The following DTNA variants were observed in gnomAD, a reference collection of about 807,000 sequenced individuals.
DTNA encodes the protein dystrobrevin alpha, also known as dystrophin-related protein 3.
Under a neutral mutation model 100.7 loss-of-function variants are expected in DTNA, and 43 were observed. The observed-to-expected ratio is 0.43, with a 90% CI of 0.33 to 0.55. The LOEUF is 0.55. Ranked by LOEUF, DTNA falls within the 20% of genes least tolerant of loss-of-function variation. The probability of loss-of-function intolerance (pLI) is 0.04; values close to 1 mark genes in which losing one functional copy is unlikely to be tolerated. For synonymous variants in DTNA, 349 were observed against 347.9 expected (o/e 1.00, Z -0.04); for missense variants, 798 against 953.9 (o/e 0.84, Z 2.15).
At chr18:34,672,828 C>T (rs1019017338) in intron 1 of DTNA, among the ~76,000 whole-genome samples, 2 of 151,972 alleles carry the variant, frequency 1.3e-5, no homozygotes, top group Non-Finnish European at 2.9e-5. Flanking sequence ...AAACATATGT[C>T]TGTGTGTGTG....
At chr18:34,522,479 T>G (rs2042235405) in intron 1 of DTNA, among the ~76,000 whole-genome samples, 2 of 152,206 alleles carry the variant, frequency 1.3e-5, no homozygotes, top group East Asian at 3.9e-4. Context: ...ACATTGCTTC[T>G]TACCTCTCAC....
chr18:34,785,176 G>A (rs1199129045), intron 3 of DTNA, among the ~76,000 whole-genome samples: 1 of 152,066 alleles, frequency 6.6e-6, no homozygotes, highest in Non-Finnish European at 1.5e-5. Flanking sequence ...GCCTCCCAAA[G>A]TGCCAGGATT....
intron 4 of DTNA, among the ~76,000 whole-genome samples, chr18:34,798,191 G>A (rs1466436916): frequency 1.3e-5 from 2 of 151,952 alleles, no homozygotes; most frequent in Non-Finnish European, 2.9e-5. Context: ...GTAGAGATAG[G>A]GATTCACCAT....
At chr18:34,608,382 C>T (rs1005463316) in intron 1 of DTNA, among the ~76,000 whole-genome samples, 1 of 152,144 alleles carries the variant, frequency 6.6e-6, no homozygotes, top group Non-Finnish European at 1.5e-5. Flanking sequence ...TTCAAATAAA[C>T]AATACTAAAT....
chr18:34,546,484 G>T (rs59790800), intron 1 of DTNA, among the ~76,000 whole-genome samples: 6,739 of 152,180 alleles, frequency 0.044, 397 homozygotes, highest in African/African-American at 0.14. Flanking sequence ...CTAGAATCAT[G>T]CATGATTTCC....
intron 13 of DTNA, 100 bp downstream of exon 13, chr18:34,838,937 G>GACCTT: frequency 2.0e-6 from 2 of 979,166 alleles, no homozygotes; most frequent in Non-Finnish European, 3.3e-6. Context: ...GGATGCCAGT[G>GACCTT]GTGACACTGA....
intron 16 of DTNA, among the ~76,000 whole-genome samples, chr18:34,859,020 A>C (rs2096585686): frequency 6.6e-6 from 1 of 152,228 alleles, no homozygotes. Flanking sequence ...AAATTTAAAA[A>C]TTTACCCCTA....
At chr18:34,814,989 A>G (rs1293444314) in intron 6 of DTNA, among the ~76,000 whole-genome samples, 1 of 152,122 alleles carries the variant, frequency 6.6e-6, no homozygotes, top group African/African-American at 2.4e-5. Context: ...TGAATTGGCT[A>G]TTAACAGCTA....
intron 1 of DTNA, among the ~76,000 whole-genome samples, chr18:34,747,572 T>G (rs1208582693): frequency 6.6e-6 from 1 of 152,146 alleles, no homozygotes; most frequent in East Asian, 1.9e-4. Context: ...TAGCTCCCAC[T>G]TAGAAGTGTG....
rs111378594 is a variant in DTNA, at chr18:34,599,897, C to T, written c.-2+106383C>T. On this transcript the variant is annotated intron_variant, in intron 1 of 19. Coordinates refer to the DTNA transcript ENST00000283365. The stretch of plus-strand genomic sequence containing the variant: ...TTTCATCATGTTGGCCAGGCTGATT[C>T]GAACTCCTGACCTCAAGCGATCTGC... Among the ~76,000 whole-genome samples the T allele has an allele frequency of 2.7e-3, 405 of 152,208 alleles. 4 individuals carry two copies. Among genetic ancestry groups the T allele is most frequent in the African/African-American group, 9.0e-3 (375 of 41,516 alleles).
chr18:34,641,816 T>C lies in DTNA; in HGVS notation c.-1-114160T>C, dbSNP rs190556372. Among the ~76,000 whole-genome samples, 34 of 152,244 alleles carry C rather than the reference T, an allele frequency of 2.2e-4. No homozygotes were observed. The East Asian group carries it at 3.5e-3, about 16-fold the overall frequency. On this transcript the variant is annotated intron_variant, in intron 1 of 19. Transcript: ENST00000283365. ...CTTGGAGTTGAGTGGTGGAGAGAGA[T>C]AGAGAGCAAGGATAGAAAGCATTGT...
At chr18:34,667,217 C>T (rs946257071) in intron 1 of DTNA, among the ~76,000 whole-genome samples, 2 of 152,118 alleles carry the variant, frequency 1.3e-5, no homozygotes, top group Non-Finnish European at 2.9e-5. Flanking sequence ...TGATTTGGCT[C>T]TCTGTTTGTC....
At chr18:34,851,616 A>G (rs1486439087) in intron 14 of DTNA, among the ~76,000 whole-genome samples, 1 of 152,212 alleles carries the variant, frequency 6.6e-6, no homozygotes, top group East Asian at 1.9e-4. Context: ...CTGCCAGAGA[A>G]TTCTGTTCTG....
At chr18:34,770,076 C>T (rs1325308517) in intron 3 of DTNA, among the ~76,000 whole-genome samples, 2 of 152,038 alleles carry the variant, frequency 1.3e-5, no homozygotes. Flanking sequence ...GCCCTCAAGT[C>T]CTGATCACCT....
At chr18:34,812,151 A>G (rs2095497862) in intron 6 of DTNA, 38 bp downstream of exon 6, 2 of 1,613,286 alleles carry the variant, frequency 1.2e-6, no homozygotes, top group African/African-American at 1.3e-5. Context: ...ATCTCTTTCA[A>G]ACAGTGGTTG....
At chr18:34,689,514 G>A (rs1014923167) in intron 1 of DTNA, among the ~76,000 whole-genome samples, 2 of 152,144 alleles carry the variant, frequency 1.3e-5, no homozygotes, top group African/African-American at 4.8e-5. Flanking sequence ...CCTTCCTCTG[G>A]AAGCTTCGTC....
At chr18:34,706,842 G>A (rs572106935), upstream of DTNA, among the ~76,000 whole-genome samples, 4 of 152,202 alleles carry the variant, frequency 2.6e-5, no homozygotes, top group African/African-American at 9.6e-5. Flanking sequence ...ATACTAATCC[G>A]ATTAATATTT....
intron 1 of DTNA, among the ~76,000 whole-genome samples, chr18:34,688,833 G>T (rs1033785290): frequency 2.6e-5 from 4 of 152,044 alleles, no homozygotes; most frequent in African/African-American, 9.7e-5. Context: ...TGGAGGCTTT[G>T]TTTGTTCCTT....
intron 1 of DTNA, among the ~76,000 whole-genome samples, chr18:34,719,286 G>A (rs1399907957): frequency 5.9e-5 from 9 of 152,158 alleles, no homozygotes; most frequent in Non-Finnish European, 1.3e-4. Flanking sequence ...GAAGGTTGCA[G>A]TGACCCCAGA....
Sources: gnomAD v4.1 joint callset for allele counts (sites outside exome capture counted in the v4.1 genomes callset) on GRCh38, gnomAD v4.1.1 for gene constraint, MANE v1.5 for transcripts, NCBI Gene and HGNC (gene_info 2026-07-23, HGNC 2026-07-21) for gene names.